Variants in BZW2 observed in about 807,000 individuals in gnomAD.
BZW2 encodes eIF5-mimic protein 1.
In BZW2, 23 loss-of-function variants were observed where a neutral mutation model predicts 53.2. The observed-to-expected ratio is 0.43, with a 90% CI of 0.31 to 0.61. BZW2 has a LOEUF of 0.61. BZW2 is among the 20% of genes least tolerant of loss of function. The probability of loss-of-function intolerance (pLI) is 0.09; values close to 1 mark genes in which losing one functional copy is unlikely to be tolerated. For missense variants in BZW2, 409 were observed against 503.1 expected, an observed-to-expected ratio of 0.81 and a Z score of 1.79; for synonymous variants, 227 against 186.4, an observed-to-expected ratio of 1.22 and a Z score of -1.77.
intron 10 of BZW2, among the ~76,000 whole-genome samples, chr7:16,700,238 A>T (rs1783624480): frequency 6.6e-6 from 1 of 152,236 alleles, no homozygotes; most frequent in Non-Finnish European, 1.5e-5. Context: ...CTTAAGTGAA[A>T]TGATTCCATG....
intron 7 of BZW2, among the ~76,000 whole-genome samples, chr7:16,691,566 C>T (rs1046161134): frequency 1.5e-4 from 23 of 152,192 alleles, no homozygotes; most frequent in Admixed American, 1.3e-4. Context: ...CTGAACGTCT[C>T]AAGTACCTTA....
At chr7:16,657,074 G>T (rs1040287952) in intron 1 of BZW2, among the ~76,000 whole-genome samples, 1 of 152,124 alleles carries the variant, frequency 6.6e-6, no homozygotes. Flanking sequence ...AGATCCTGTG[G>T]CACATATCTT....
chr7:16,705,049 GATA>G (rs1164600911), intron 11 of BZW2, among the ~76,000 whole-genome samples: 1 of 152,150 alleles, frequency 6.6e-6, no homozygotes, highest in Non-Finnish European at 1.5e-5. Context: ...AAAGTGGAAG[GATA>G]ATAATGAGTA....
chr7:16,690,038 G>T, intron 7 of BZW2, 132 bp downstream of exon 7: 1 of 489,922 alleles, frequency 2.0e-6, no homozygotes. Context: ...TTATTTCTGT[G>T]TAATTGGTAG....
At chr7:16,647,351 G>T (rs986055889) in intron 1 of BZW2, among the ~76,000 whole-genome samples, 2 of 152,156 alleles carry the variant, frequency 1.3e-5, no homozygotes, top group African/African-American at 2.4e-5. Flanking sequence ...GCATCCCCAG[G>T]ACCACTGTTT....
At chr7:16,681,605 C>T (rs978224580) in intron 4 of BZW2, among the ~76,000 whole-genome samples, 10 of 152,062 alleles carry the variant, frequency 6.6e-5, no homozygotes, top group Admixed American at 2.0e-4. Flanking sequence ...CCATGGCAGG[C>T]GGATCACTTG....
At chr7:16,663,598 A>C in intron 1 of BZW2, among the ~76,000 whole-genome samples, 1 of 152,062 alleles carries the variant, frequency 6.6e-6, no homozygotes, top group South Asian at 2.1e-4. Flanking sequence ...GTTCTTAAGG[A>C]TTTTTTAAAA....
chr7:16,705,945 T>C, intron 11 of BZW2, 115 bp from the exon 12 acceptor site: 1 of 1,143,908 alleles, frequency 8.7e-7, no homozygotes. Flanking sequence ...AATGGGTGCC[T>C]AGGGTAAAAG....
chr7:16,654,526 A>C (rs1388502412), intron 1 of BZW2, among the ~76,000 whole-genome samples: 1 of 138,884 alleles, frequency 7.2e-6, no homozygotes, highest in Non-Finnish European at 1.6e-5. Flanking sequence ...CCCCCCAAAA[A>C]AAAACGGATG....
chr7:16,665,619 T>G, intron 2 of BZW2, 118 bp downstream of exon 2: 2 of 1,490,734 alleles, frequency 1.3e-6, no homozygotes, highest in Non-Finnish European at 1.8e-6. Context: ...ATTTGAGCTC[T>G]GAGTGTAGAA....
At chr7:16,687,037 T>G (rs554332552) in intron 6 of BZW2, 1 of 152,340 alleles carries the variant, frequency 6.6e-6, no homozygotes, top group South Asian at 2.1e-4. Flanking sequence ...ATATAAATGT[T>G]AATCATTAAT....
At chr7:16,651,439 T>G (rs1262422615) in intron 1 of BZW2, among the ~76,000 whole-genome samples, 1 of 152,230 alleles carries the variant, frequency 6.6e-6, no homozygotes, top group African/African-American at 2.4e-5. Context: ...TTAATGGTTT[T>G]CAAACTAACC....
chr7:16,676,724 A>G (rs1782777543), intron 3 of BZW2, among the ~76,000 whole-genome samples: 1 of 152,090 alleles, frequency 6.6e-6, no homozygotes. Flanking sequence ...GTTAATTATG[A>G]TATATTTTTA....
Position 16,695,024 on chromosome 7 carries a change from C to T in BZW2, c.822+20C>T. ...AAGGAGGTGGGAGACCACGGGCAGACATCACCTCAATACACATGAATGAGA... is the reference window on the plus strand; with the variant it reads ...AAGGAGGTGGGAGACCACGGGCAGATATCACCTCAATACACATGAATGAGA... On this transcript the variant is annotated intron_variant, in intron 8 of 11. Transcript: ENST00000258761. The T allele has an allele frequency of 6.4e-7, 1 of 1,554,688 alleles. No individual in the cohort carries two copies. Among genetic ancestry groups the T allele is most frequent in the Non-Finnish European group, 8.8e-7 (1 of 1,137,704 alleles).
At position 16,647,945 on chromosome 7, in the gene BZW2, G is replaced by C. The variant is rs147757490; in HGVS notation, c.-8+1657G>C. On this transcript the variant is annotated intron_variant, in intron 1 of 11. Coordinates refer to ENST00000258761, the MANE Select transcript of BZW2 (RefSeq NM_014038.3). Reference sequence around the variant, plus strand: ...TGGGGTTGTCAGTTCCTCGAGGATAGCAGCTTACTATCTATTTTCTTGATG... The same window carrying C: ...TGGGGTTGTCAGTTCCTCGAGGATACCAGCTTACTATCTATTTTCTTGATG... Among the ~76,000 whole-genome samples, 12 of 152,326 alleles carry C rather than the reference G, an allele frequency of 7.9e-5. No homozygotes were observed. The East Asian group carries it at 2.3e-3, about 29-fold the overall frequency.
In BZW2 at chr7:16,660,913, G is replaced by A. The variant is rs115510391; in HGVS notation, c.-7-4524G>A. Among the ~76,000 whole-genome samples the A allele has an allele frequency of 4.6e-3, 693 of 152,212 alleles. 6 individuals carry two copies. Among genetic ancestry groups the A allele is most frequent in the African/African-American group, 0.016 (655 of 41,554 alleles). Reference sequence around the variant, plus strand: ...TAATATGAAGTTTTACTGGAATACAGCCATGACCATTTGTCTGCATATTGT... The same window carrying A: ...TAATATGAAGTTTTACTGGAATACAACCATGACCATTTGTCTGCATATTGT... On this transcript the variant is annotated intron_variant, in intron 1 of 11. Transcript: ENST00000258761.
At chr7:16,691,339 C>T (rs957258579) in intron 7 of BZW2, among the ~76,000 whole-genome samples, 2 of 152,168 alleles carry the variant, frequency 1.3e-5, no homozygotes, top group African/African-American at 4.8e-5. Flanking sequence ...GCAAAAGTCA[C>T]AGAAGATAAG....
intron 7 of BZW2, among the ~76,000 whole-genome samples, chr7:16,690,333 G>A (rs1044429034): frequency 6.6e-6 from 1 of 151,824 alleles, no homozygotes; most frequent in East Asian, 1.9e-4. Flanking sequence ...TCCCGAGTAG[G>A]TGGGATTACA....
At chr7:16,683,385 T>C (rs1467906108) in intron 5 of BZW2, among the ~76,000 whole-genome samples, 1 of 152,222 alleles carries the variant, frequency 6.6e-6, no homozygotes, top group Non-Finnish European at 1.5e-5. Context: ...TAATATTTAA[T>C]GTAAGACAGT....
Sources: gnomAD v4.1 joint callset for allele counts (sites outside exome capture counted in the v4.1 genomes callset) on GRCh38, gnomAD v4.1.1 for gene constraint, MANE v1.5 for transcripts, NCBI Gene and HGNC (gene_info 2026-07-23, HGNC 2026-07-21) for gene names.